The following CCDC175 variants were observed in gnomAD, a reference collection of about 807,000 sequenced individuals.
CCDC175 encodes the protein coiled-coil domain containing 175.
Under a neutral mutation model 114.6 loss-of-function variants are expected in CCDC175, and 100 were observed. That is an observed-to-expected ratio of 0.87 (90% CI 0.74 to 1.03). The LOEUF is 1.03. CCDC175 is among the 50% of genes least tolerant of loss of function. The pLI is 0.00. For missense variants in CCDC175, 880 were observed against 917.8 expected, an observed-to-expected ratio of 0.96 and a Z score of 0.53; for synonymous variants, 306 against 308.7, an observed-to-expected ratio of 0.99 and a Z score of 0.09.
At chr14:59,541,552 G>A (rs896222789) in intron 10 of CCDC175, among the ~76,000 whole-genome samples, 5 of 152,086 alleles carry the variant, frequency 3.3e-5, no homozygotes, top group South Asian at 2.1e-4. Context: ...ACCTGTTCTC[G>A]TGTTTCTTTG....
At chr14:59,532,626 A>G (rs1894135997) in intron 13 of CCDC175, among the ~76,000 whole-genome samples, 1 of 152,110 alleles carries the variant, frequency 6.6e-6, no homozygotes, top group African/African-American at 2.4e-5. Context: ...TTGTGCATGG[A>G]AGTCATGTGT....
chr14:59,563,991 T>A, intron 5 of CCDC175, 132 bp from the exon 6 acceptor site: 1 of 529,396 alleles, frequency 1.9e-6, no homozygotes, highest in Non-Finnish European at 2.8e-6. Context: ...TAGTAATAAG[T>A]AAAAAATAAA....
At chr14:59,568,519 C>G (rs1896679659) in intron 3 of CCDC175, 139 bp from the exon 4 acceptor site, 2 of 651,222 alleles carry the variant, frequency 3.1e-6, no homozygotes, top group African/African-American at 1.9e-5. Flanking sequence ...CCCTTGGTCC[C>G]TCTCAATCTT....
chr14:59,551,046 T>G, intron 8 of CCDC175: 1 of 185,070 alleles, frequency 5.4e-6, no homozygotes, highest in Non-Finnish European at 1.1e-5. Context: ...AGCAAGAAGA[T>G]TCTAACTTTC....
intron 17 of CCDC175, among the ~76,000 whole-genome samples, chr14:59,514,835 C>G (rs963516037): frequency 2.0e-5 from 3 of 151,964 alleles, no homozygotes; most frequent in African/African-American, 4.8e-5. Context: ...GATACTCCTC[C>G]AGAAGAGCAA....
In CCDC175 at chr14:59,568,232, T is replaced by C; in HGVS notation, c.491+13A>G. 6.6e-7 allele frequency: 1 copy of C among 1,522,156 alleles called. No individual in the cohort carries two copies. The highest frequency in any genetic ancestry group is 8.7e-7 in the Non-Finnish European group (1 of 1,143,146). 94.3% of individuals were successfully genotyped at this position (1,522,156 alleles called of 1,614,324 possible). ...CCCCTGCTCCCTCAAATACTGAATATAAGAATACCTACCCCAGAGCTTCAT... is the reference window on the plus strand; with the variant it reads ...CCCCTGCTCCCTCAAATACTGAATACAAGAATACCTACCCCAGAGCTTCAT... On this transcript the variant is annotated intron_variant, in intron 4 of 19. Transcript: ENST00000537690.
chr14:59,559,843 A>G (rs1454163388), intron 7 of CCDC175, among the ~76,000 whole-genome samples: 1 of 152,158 alleles, frequency 6.6e-6, no homozygotes, highest in Non-Finnish European at 1.5e-5. Context: ...AAACTCTTAA[A>G]AAGCTGGGAT....
At chr14:59,525,233 A>C in intron 16 of CCDC175, 49 bp downstream of exon 16, 1 of 1,247,716 alleles carries the variant, frequency 8.0e-7, no homozygotes, top group Non-Finnish European at 1.1e-6. Context: ...TTACAGGTCT[A>C]GTCAATTAAT....
At chr14:59,542,938 T>G (rs1271028418) in intron 10 of CCDC175, among the ~76,000 whole-genome samples, 1 of 152,200 alleles carries the variant, frequency 6.6e-6, no homozygotes, top group African/African-American at 2.4e-5. Context: ...ATGGAGATTT[T>G]AGGGTAACTT....
chr14:59,545,384 C>A, intron 8 of CCDC175, 85 bp from the exon 9 acceptor site: 2 of 1,241,440 alleles, frequency 1.6e-6, no homozygotes, highest in East Asian at 2.6e-5. Context: ...ACTCGGAGAG[C>A]ACCTGGGATA....
chr14:59,541,920 T>G (rs1894815705), intron 10 of CCDC175, among the ~76,000 whole-genome samples: 1 of 152,232 alleles, frequency 6.6e-6, no homozygotes, highest in South Asian at 2.1e-4. Context: ...GTTTTCCTTA[T>G]GAAGCTGACA....
At chr14:59,565,368 G>C (rs907020954) in intron 4 of CCDC175, 93 bp from the exon 5 acceptor site, 1 of 988,590 alleles carries the variant, frequency 1.0e-6, no homozygotes, top group South Asian at 1.7e-5. Context: ...AAGAGGAAAA[G>C]TGTAAGGAAT....
chr14:59,519,362 A>T (rs1262024333), intron 17 of CCDC175, among the ~76,000 whole-genome samples: 1 of 152,218 alleles, frequency 6.6e-6, no homozygotes, highest in Non-Finnish European at 1.5e-5. Context: ...TCTAGACATA[A>T]ACACTGAAAC....
chr14:59,524,260 C>T (rs924323150), intron 16 of CCDC175, among the ~76,000 whole-genome samples: 2 of 152,118 alleles, frequency 1.3e-5, no homozygotes, highest in Admixed American at 6.5e-5. Context: ...CATTAAAAAT[C>T]AGTATCTTAT....
intron 10 of CCDC175, 69 bp downstream of exon 10, chr14:59,543,275 T>C: frequency 3.5e-6 from 2 of 568,470 alleles, no homozygotes; most frequent in Admixed American, 3.6e-5. Flanking sequence ...ATAGATTTAC[T>C]GCTATCATTT....
chr14:59,558,881 G>T (rs576134990), intron 7 of CCDC175, among the ~76,000 whole-genome samples: 4 of 152,130 alleles, frequency 2.6e-5, no homozygotes, highest in Admixed American at 2.6e-4. Context: ...ATTTAGAGTC[G>T]TAAAAAAGAA....
chr14:59,552,830 A>C (rs1895611482), intron 7 of CCDC175, among the ~76,000 whole-genome samples: 1 of 152,164 alleles, frequency 6.6e-6, no homozygotes, highest in Non-Finnish European at 1.5e-5. Flanking sequence ...CACAAGCTTC[A>C]GTAGCTGATT....
rs142291906 is a variant in CCDC175, at chr14:59,532,383, C to T, written c.1624-473G>A. Among the ~76,000 whole-genome samples, 39 of 152,208 alleles carry T rather than the reference C, an allele frequency of 2.6e-4. No homozygotes were observed. In the East Asian group the frequency reaches 6.8e-3, roughly 26 times the overall value. ...CCAAAGCAAAACATGAAGATGCCTG[C>T]CTACTTATTCAAACTCAAGTTTTGT... On this transcript the variant is annotated intron_variant, in intron 13 of 19. Transcript: ENST00000537690.
chr14:59,512,810 G>C (rs1450284270), intron 17 of CCDC175, among the ~76,000 whole-genome samples: 3 of 50,016 alleles, frequency 6.0e-5, no homozygotes, highest in Non-Finnish European at 1.2e-4. Flanking sequence ...GCAGGGGTGT[G>C]TGTGTGTGTG....
Sources: gnomAD v4.1 joint callset for allele counts (sites outside exome capture counted in the v4.1 genomes callset) on GRCh38, gnomAD v4.1.1 for gene constraint, MANE v1.5 for transcripts, NCBI Gene and HGNC (gene_info 2026-07-23, HGNC 2026-07-21) for gene names.